KLC1: variants seen among roughly 807,000 people sequenced by gnomAD.
KLC1 encodes the protein kinesin 2 60/70kDa.
A neutral mutation model predicts 84.2 loss-of-function variants in KLC1; 30 were observed. That is an observed-to-expected ratio of 0.36 (90% CI 0.27 to 0.48). The LOEUF is 0.48. KLC1 is among the 20% of genes least tolerant of loss of function. The pLI is 0.99. For synonymous variants in KLC1, 289 were observed against 293.3 expected (o/e 0.99, Z 0.15); for missense variants, 499 against 805.4 (o/e 0.62, Z 4.60).
At chr14:103,679,722 G>A in intron 13 of KLC1, 177 bp downstream of exon 13, 1 of 548,728 alleles carries the variant, frequency 1.8e-6, no homozygotes, top group South Asian at 2.8e-5. Context: ...GTTTAAAGTG[G>A]TAATTTTCTT....
chr14:103,654,544 T>C lies in KLC1; in HGVS notation c.-1-20T>C, dbSNP rs1026714297. The C allele has an allele frequency of 6.4e-7, 1 of 1,564,808 alleles. No individual in the cohort carries two copies. The highest frequency in any genetic ancestry group is 8.6e-7 in the Non-Finnish European group (1 of 1,158,414). ...AACCTGTAATGAGGGATCTAATTTC[T>C]TTTTCTTTTTTCATTCCAGAATGTA... On this transcript the variant is annotated intron_variant, in intron 1 of 16. Transcript: ENST00000334553.
intron 1 of KLC1, among the ~76,000 whole-genome samples, chr14:103,648,664 G>A (rs2078146529): frequency 6.6e-6 from 1 of 152,142 alleles, no homozygotes; most frequent in Non-Finnish European, 1.5e-5. Flanking sequence ...AGCCAGGCTT[G>A]GCGGCACGCA....
chr14:103,662,275 G>T, intron 4 of KLC1, 81 bp downstream of exon 4: 1 of 1,190,226 alleles, frequency 8.4e-7, no homozygotes, highest in Non-Finnish European at 1.3e-6. Context: ...GCAATCAGTG[G>T]CAGCCTTAGT....
chr14:103,654,559 T>A lies in KLC1; in HGVS notation c.-1-5T>A. On this transcript the variant is annotated splice_region_variant and splice_polypyrimidine_tract_variant and intron_variant, in intron 1 of 16. Coordinates refer to ENST00000334553, the MANE Select transcript of KLC1 (RefSeq NM_001394837.1). ...ATCTAATTTCTTTTTCTTTTTTCAT[T>A]CCAGAATGTATGACAACATGTCCAC... is the stretch of plus-strand genomic sequence containing the variant. 1 of 1,584,104 alleles carries A rather than the reference T, an allele frequency of 6.3e-7. No homozygotes were observed. The highest frequency in any genetic ancestry group is 8.6e-7 in the Non-Finnish European group (1 of 1,165,736).
In KLC1 at chr14:103,695,315, A is replaced by G. The variant is rs188417074; in HGVS notation, c.1848+2890A>G. ...GTGTCTAGCAAAAAAAACCATGTGTATATATATATATATGTGTGTGTGTGT... is the reference window on the plus strand; with the variant it reads ...GTGTCTAGCAAAAAAAACCATGTGTGTATATATATATATGTGTGTGTGTGT... On this transcript the variant is annotated intron_variant, in intron 15 of 16. Coordinates refer to ENST00000334553, the MANE Select transcript of KLC1 (RefSeq NM_001394837.1). 1.1e-3 allele frequency: 554 copies of G among 500,866 alleles called. 1 individual carries two copies. The highest frequency in any genetic ancestry group is 7.3e-3 in the African/African-American group (244 of 33,234). 31.0% of individuals were successfully genotyped at this position (500,866 alleles called of 1,614,324 possible). A position where few individuals can be genotyped will look rare whatever the true frequency, so the allele number is the denominator to read the frequency against.
At position 103,693,759 on chromosome 14, in the gene KLC1, G is replaced by T. The variant is rs887684470; in HGVS notation, c.1848+1334G>T. 2 of 1,429,972 alleles carry T rather than the reference G, an allele frequency of 1.4e-6. No individual in the cohort carries two copies. Among genetic ancestry groups the T allele is most frequent in the Admixed American group, 5.7e-5 (2 of 35,058 alleles). The allele number at this position is 1,429,972 out of a possible 1,614,324, so 88.6% of individuals were successfully genotyped here. ...AGTGACGTCCACCAACCTTGGAGGT[G>T]CCTTTTCAAAACACCCGGGAGGCCG... On this transcript the variant is annotated intron_variant, in intron 15 of 16. Coordinates refer to ENST00000334553, the MANE Select transcript of KLC1 (RefSeq NM_001394837.1). The surrounding 1 kb of genome is among the most constrained non-coding windows in gnomAD (Gnocchi z 5.1).
intron 13 of KLC1, chr14:103,686,060 G>T: frequency 2.0e-6 from 2 of 1,020,198 alleles, no homozygotes; most frequent in Non-Finnish European, 2.4e-6. Flanking sequence ...TAGAGCCCTG[G>T]GGGCCCCGCT....
chr14:103,679,306 T>TTA, intron 12 of KLC1, 78 bp from the exon 13 acceptor site: 1 of 1,405,388 alleles, frequency 7.1e-7, no homozygotes, highest in Non-Finnish European at 9.7e-7. Context: ...TTTTTTTTTC[T>TTA]AGCGAAGTAT....
intron 13 of KLC1, chr14:103,683,568 GCCCCTT>G: frequency 1.3e-5 from 2 of 152,356 alleles, no homozygotes; most frequent in East Asian, 3.9e-4. Flanking sequence ...GGATGTGGGA[GCCCCTT>G]GGGCTGTCTC....
chr14:103,695,158 T>TTA (rs145644634), intron 15 of KLC1: 164,822 of 859,430 alleles, frequency 0.19, 12,363 homozygotes, highest in East Asian at 0.48. Context: ...AAATGTTAAA[T>TTA]TATATATATA....
chr14:103,653,993 C>CA (rs887700628), intron 1 of KLC1, among the ~76,000 whole-genome samples: 2 of 152,180 alleles, frequency 1.3e-5, no homozygotes, highest in African/African-American at 4.8e-5. Flanking sequence ...GGGCCTGGCC[C>CA]TGGTGGTGCT....
At chr14:103,642,249 G>C (rs1437084060) in intron 1 of KLC1, among the ~76,000 whole-genome samples, 1 of 151,916 alleles carries the variant, frequency 6.6e-6, no homozygotes, top group Non-Finnish European at 1.5e-5. Flanking sequence ...TTTTTTAAAG[G>C]CACTAATCCC....
intron 1 of KLC1, among the ~76,000 whole-genome samples, chr14:103,653,363 C>G (rs962278062): frequency 6.6e-6 from 1 of 152,104 alleles, no homozygotes; most frequent in Non-Finnish European, 1.5e-5. Flanking sequence ...GCTCTGTCAC[C>G]CAGGCTGGAG....
chr14:103,667,385 G>A (rs1170855951), intron 5 of KLC1, among the ~76,000 whole-genome samples: 1 of 152,316 alleles, frequency 6.6e-6, no homozygotes, highest in East Asian at 1.9e-4. Context: ...GGGATTACAG[G>A]CGTGAGCCAC....
chr14:103,675,817 C>T (rs951598916), intron 11 of KLC1, 61 bp downstream of exon 11: 20 of 1,361,898 alleles, frequency 1.5e-5, no homozygotes, highest in African/African-American at 4.3e-5. Flanking sequence ...TAATTGTGTT[C>T]TACAGGGCAG....
intron 1 of KLC1, among the ~76,000 whole-genome samples, chr14:103,638,922 C>T (rs1230532328): frequency 2.0e-5 from 3 of 151,738 alleles, no homozygotes; most frequent in Non-Finnish European, 4.4e-5. Flanking sequence ...TGTGTGCGTG[C>T]ATGCAGAGTG....
In KLC1 at chr14:103,679,395, T is replaced by A; in HGVS notation, c.1500T>A (p.Asn500Lys). 6.2e-7 allele frequency: 1 copy of A among 1,613,478 alleles called. No homozygotes were observed. Among genetic ancestry groups the A allele is most frequent in the Non-Finnish European group, 8.5e-7 (1 of 1,179,910 alleles). The stretch of plus-strand genomic sequence containing the variant: ...TGCCTGGCTCACAGGGTCTTGACAA[T>A]GTTCACAAACAGAGGGTGGCAGAAG... ...AMRSRKQGLDNVHKQRVAEVL... is the reference protein window; with the variant it reads ...AMRSRKQGLDKVHKQRVAEVL... Residue 500 changes from asparagine (N) to lysine (K), a missense_variant, in exon 13 of 17, where the codon AAT becomes AAA. Around this residue, in one of 3 missense-constraint regions of KLC1, gnomAD observed 167 missense variants for 208.8 expected, o/e 0.80. Coordinates refer to ENST00000334553, the MANE Select transcript of KLC1 (RefSeq NM_001394837.1).
chr14:103,699,562 C>A, intron 15 of KLC1: 1 of 1,613,542 alleles, frequency 6.2e-7, no homozygotes, highest in Non-Finnish European at 8.5e-7. Flanking sequence ...TATTCACACA[C>A]TCCAACAAGG....
chr14:103,687,326 C>T, intron 14 of KLC1, 115 bp downstream of exon 14: 1 of 1,089,624 alleles, frequency 9.2e-7, no homozygotes, highest in Non-Finnish European at 1.2e-6. Flanking sequence ...CAGTTGGTTC[C>T]CGTATTCTCA....
Sources: gnomAD v4.1 joint callset for allele counts (sites outside exome capture counted in the v4.1 genomes callset) on GRCh38, gnomAD v4.1.1 for gene constraint, gnomAD v4.1.1 regional missense constraint, Gnocchi (gnomAD v3.1) non-coding constraint, MANE v1.5 for transcripts, NCBI Gene and HGNC (gene_info 2026-07-23, HGNC 2026-07-21) for gene names.